MID2: variants seen among roughly 807,000 people sequenced by gnomAD.
The protein encoded by MID2 is probable E3 ubiquitin-protein ligase MID2.
A neutral mutation model predicts 46.1 loss-of-function variants in MID2; 13 were observed. The ratio of observed to expected loss-of-function variants is 0.28; its 90% CI spans 0.18 to 0.45. The LOEUF is 0.45. MID2 is among the 20% of genes least tolerant of loss of function. The probability of loss-of-function intolerance (pLI) is 1.00; values close to 1 mark genes in which losing one functional copy is unlikely to be tolerated. For synonymous variants in MID2, 199 were observed against 212.3 expected (o/e 0.94, Z 0.55); for missense variants, 431 against 575.4 (o/e 0.75, Z 2.57).
At chrX:107,840,087 C>T (rs1935346527) in intron 1 of MID2, among the ~76,000 whole-genome samples, 1 of 112,346 alleles carries the variant, frequency 8.9e-6, no homozygotes, top group African/African-American at 3.2e-5. Flanking sequence ...AGAAGTAATT[C>T]AAGTTCACAC....
intron 3 of MID2, 123 bp downstream of exon 3, chrX:107,854,827 G>C: frequency 2.0e-6 from 1 of 490,786 alleles, no homozygotes; most frequent in Non-Finnish European, 3.5e-6. Context: ...GGCAGTTTTA[G>C]AAAGTCTCAT....
At chrX:107,847,867 G>A (rs1257681056) in intron 2 of MID2, among the ~76,000 whole-genome samples, 1 of 111,267 alleles carries the variant, frequency 9.0e-6, no homozygotes, top group African/African-American at 3.3e-5. Flanking sequence ...GGCTGTTACA[G>A]AACATAGGAG....
At position 107,930,609 on chromosome X, in the gene MID2, A is replaced by G. The variant is rs1569472985; in HGVS notation, c.*3536A>G. Among the ~76,000 whole-genome samples, 1 of 112,229 alleles carries G rather than the reference A, an allele frequency of 8.9e-6. No individual in the cohort carries two copies. Among genetic ancestry groups the G allele is most frequent in the Non-Finnish European group, 1.9e-5 (1 of 53,163 alleles). ...ATGACTTCTAAGATACAACATGGTG[A>G]CAAAGTACTTAGTGGGGGTGCGATG... On this transcript the variant is annotated 3_prime_UTR_variant, in exon 10 of 10. Coordinates refer to ENST00000262843, the MANE Select transcript of MID2 (RefSeq NM_012216.4).
At chrX:107,844,021 C>T (rs1330194522) in intron 2 of MID2, among the ~76,000 whole-genome samples, 1 of 111,051 alleles carries the variant, frequency 9.0e-6, no homozygotes, top group African/African-American at 3.3e-5. Flanking sequence ...GCTTTTTAGC[C>T]AGTATCTGAT....
chrX:107,851,681 A>G (rs1257333819), intron 2 of MID2, among the ~76,000 whole-genome samples: 3 of 110,144 alleles, frequency 2.7e-5, no homozygotes, highest in African/African-American at 9.9e-5. Context: ...AACAACAACA[A>G]AAACAAACAA....
intron 7 of MID2, among the ~76,000 whole-genome samples, chrX:107,921,390 G>A (rs746175449): frequency 1.6e-4 from 18 of 111,050 alleles, no homozygotes; most frequent in South Asian, 7.8e-4. Context: ...TCAAGATGTC[G>A]TCTGATTTAT....
intron 3 of MID2, among the ~76,000 whole-genome samples, chrX:107,893,248 C>A (rs906439294): frequency 8.9e-6 from 1 of 112,661 alleles, no homozygotes; most frequent in African/African-American, 3.2e-5. Context: ...TGTAGTATTA[C>A]ACAGATCTTC....
At chrX:107,858,197 G>C (rs1931784774) in intron 3 of MID2, among the ~76,000 whole-genome samples, 1 of 111,991 alleles carries the variant, frequency 8.9e-6, no homozygotes, top group South Asian at 3.7e-4. Context: ...TCAGTAGATG[G>C]GTGGTTGGAA....
Position 107,854,684 on chromosome X carries a change from C to T in MID2, c.796C>T (p.Gln266Ter). 8.3e-7 allele frequency: 1 copy of T among 1,205,366 alleles called. No individual in the cohort carries two copies. Among genetic ancestry groups the T allele is most frequent in the Non-Finnish European group, 1.1e-6 (1 of 889,833 alleles). ...AGAAAATCAAATGGCCAAACTAATA[C>T]AGATCTGCCAGCAGGTTGAGGTATG... is the stretch of plus-strand genomic sequence containing the variant. ...ELENQMAKLIQICQQVEVNTA... is the reference protein window; with the variant it reads ...ELENQMAKLI Residue 266 changes from glutamine (Q) to a stop codon, truncating the protein, a stop_gained, in exon 3 of 10, where the codon CAG becomes TAG. Transcript: ENST00000262843. LOFTEE classifies it high-confidence loss of function.
chrX:107,882,502 C>G (rs1393230718), intron 3 of MID2, among the ~76,000 whole-genome samples: 1 of 109,205 alleles, frequency 9.2e-6, no homozygotes, highest in Non-Finnish European at 1.9e-5. Context: ...CTCAAATTTA[C>G]AAGAAAAAAA....
intron 1 of MID2, among the ~76,000 whole-genome samples, chrX:107,836,406 A>G (rs1471581421): frequency 9.0e-6 from 1 of 110,923 alleles, no homozygotes; most frequent in Non-Finnish European, 1.9e-5. Flanking sequence ...GGCATGCGCC[A>G]CTACGCCTGC....
chrX:107,832,263 C>G (rs1931104576), intron 1 of MID2, among the ~76,000 whole-genome samples: 1 of 111,433 alleles, frequency 9.0e-6, no homozygotes, highest in Admixed American at 9.6e-5. Context: ...AGAGACAGCC[C>G]TTCACTTGGA....
chrX:107,869,698 A>G (rs1932027070), intron 3 of MID2, among the ~76,000 whole-genome samples: 1 of 111,082 alleles, frequency 9.0e-6, no homozygotes, highest in Admixed American at 9.6e-5. Flanking sequence ...TTGATTCCTA[A>G]GTACTTTGTA....
At position 107,929,075 on chromosome X, in the gene MID2, T is replaced by C. The variant is rs1293527994; in HGVS notation, c.*2002T>C. 9.0e-6 allele frequency among the ~76,000 whole-genome samples: 1 copy of C among 111,640 alleles called. No individual in the cohort carries two copies. Among genetic ancestry groups the C allele is most frequent in the Non-Finnish European group, 1.9e-5 (1 of 52,999 alleles). The stretch of plus-strand genomic sequence containing the variant: ...TCCTCCTCTGTAAAATAATGTCTAC[T>C]TCACAAGGCTGTTTCAAAGGTTAAA... On this transcript the variant is annotated 3_prime_UTR_variant, in exon 10 of 10. Coordinates refer to ENST00000262843, the MANE Select transcript of MID2 (RefSeq NM_012216.4).
At position 107,840,683 on chromosome X, in the gene MID2, C is replaced by T. The variant is rs906962806; in HGVS notation, c.18C>T (p.Ala6=). 1.7e-6 allele frequency: 2 copies of T among 1,206,282 alleles called. No individual in the cohort carries two copies. Among genetic ancestry groups the T allele is most frequent in the African/African-American group, 1.8e-5 (1 of 57,079 alleles). MGESP[A]SVVLNASGGL... ...TATTCCTTGCAGGTGAAAGCCCAGCCTCCGTGGTTCTTAATGCCTCAGGAG... is the reference window on the plus strand; with the variant it reads ...TATTCCTTGCAGGTGAAAGCCCAGCTTCCGTGGTTCTTAATGCCTCAGGAG... Residue 6 remains alanine (A), a synonymous_variant, in exon 2 of 10, where the codon GCC becomes GCT. Transcript: ENST00000262843.
In MID2 at chrX:107,841,071, C is replaced by A. The variant is rs1364353878; in HGVS notation, c.406C>A (p.Arg136=). The change falls in exon 2 of 10, where the codon CGA becomes AGA. Residue 136 remains arginine, a synonymous_variant. Coordinates refer to ENST00000262843, the MANE Select transcript of MID2 (RefSeq NM_012216.4). ...YRPTTAMSSE[R]IACQFCEQDP... is the part of the protein sequence containing the mutation. The stretch of plus-strand genomic sequence containing the variant: ...GCCCACCACTGCCATGTCTAGCGAG[C>A]GAATTGCTTGCCAATTCTGTGAGCA... The A allele has an allele frequency of 1.7e-6, 2 of 1,211,323 alleles. No individual in the cohort carries two copies. The highest frequency in any genetic ancestry group is 2.3e-4 in the Middle Eastern group (1 of 4,353).
chrX:107,852,687 C>G (rs1457693923), intron 2 of MID2, among the ~76,000 whole-genome samples: 1 of 111,733 alleles, frequency 8.9e-6, no homozygotes, highest in African/African-American at 3.3e-5. Flanking sequence ...ATCACACTAC[C>G]CAGCCTGCAA....
rs2267975 is a variant in MID2 at position 107,865,573 on chromosome X, G to A, written c.816+10869G>A. Among the ~76,000 whole-genome samples the A allele has an allele frequency of 3.6e-3, 404 of 111,691 alleles. 2 individuals carry two copies. The highest frequency in any genetic ancestry group is 0.013 in the African/African-American group (384 of 30,605). On this transcript the variant is annotated intron_variant, in intron 3 of 9. Coordinates refer to ENST00000262843, the MANE Select transcript of MID2 (RefSeq NM_012216.4). Reference sequence around the variant, plus strand: ...GTTTCCCTCCCCGCCCACCCCAAAGGGTTCTTTTCAGTCCTTTGATGTTTT... The same window carrying A: ...GTTTCCCTCCCCGCCCACCCCAAAGAGTTCTTTTCAGTCCTTTGATGTTTT...
chrX:107,925,342 GTC>G (rs1184756925), intron 8 of MID2, among the ~76,000 whole-genome samples: 1 of 111,711 alleles, frequency 9.0e-6, no homozygotes, highest in Admixed American at 9.5e-5. Context: ...AGCCAACAGT[GTC>G]TGTCACAGAA....
Sources: allele counts gnomAD v4.1 joint callset (sites outside exome capture counted in the v4.1 genomes callset), GRCh38; gene constraint gnomAD v4.1.1; transcripts MANE v1.5; gene names NCBI Gene and HGNC (gene_info 2026-07-23, HGNC 2026-07-21).